Variants in STIL observed in about 807,000 individuals in gnomAD.
STIL encodes STIL centriolar assembly protein.
In STIL, 55 loss-of-function variants were observed where a neutral mutation model predicts 110.1. The ratio of observed to expected loss-of-function variants is 0.50; its 90% CI spans 0.40 to 0.63. The LOEUF is 0.63. Among genes scored for constraint, STIL ranks in the 20% least tolerant of loss-of-function variants. The pLI is 0.00. For missense variants in STIL, 1,358 were observed against 1,530.0 expected (o/e 0.89, Z 1.87); for synonymous variants, 481 against 530.0 (o/e 0.91, Z 1.27).
chr1:47,310,391 G>T, intron 1 of STIL, 29 bp from the exon 2 acceptor site: 1 of 1,389,014 alleles, frequency 7.2e-7, no homozygotes, highest in Non-Finnish European at 1.0e-6. Flanking sequence ...TATTACTAAT[G>T]AATGATAAAA....
chr1:47,272,963 A>G (rs1403668053), intron 12 of STIL, among the ~76,000 whole-genome samples: 1 of 152,222 alleles, frequency 6.6e-6, no homozygotes, highest in African/African-American at 2.4e-5. Flanking sequence ...TGGATATATT[A>G]ATAACAATGG....
intron 9 of STIL, among the ~76,000 whole-genome samples, chr1:47,289,182 G>C (rs1014024875): frequency 2.0e-5 from 3 of 150,408 alleles, no homozygotes; most frequent in African/African-American, 7.3e-5. Context: ...AAAGATTTTA[G>C]AAAAACATGG....
chr1:47,258,807 C>T (rs1003400527), intron 16 of STIL, among the ~76,000 whole-genome samples: 3 of 151,976 alleles, frequency 2.0e-5, no homozygotes, highest in Admixed American at 2.0e-4. Context: ...GAGGTTGAGG[C>T]TGCAGTGAGC....
At position 47,262,974 on chromosome 1, in the gene STIL, T is replaced by C. The variant is rs747761916; in HGVS notation, c.2758A>G (p.Lys920Glu). 1 of 1,614,192 alleles carries C rather than the reference T, an allele frequency of 6.2e-7. No individual in the cohort carries two copies. The highest frequency in any genetic ancestry group is 1.1e-5 in the South Asian group (1 of 91,084). ...SNNSETSEEP[K>E]IEHVMQPLLH... Reference sequence around the variant, plus strand: ...AAGGGTTGCATTACATGCTCAATTTTTGGTTCCTCTGATGTTTCAGAATTG... The same window carrying C: ...AAGGGTTGCATTACATGCTCAATTTCTGGTTCCTCTGATGTTTCAGAATTG... The change falls in exon 15 of 17, where the codon AAA becomes GAA. Residue 920 changes from lysine (K) to glutamate (E), a missense_variant. By Grantham distance (56) the Lys-to-Glu change is moderately conservative. Coordinates refer to ENST00000371877, the MANE Select transcript of STIL (RefSeq NM_001048166.1).
intron 2 of STIL, chr1:47,305,222 T>C (rs1201795262): frequency 7.1e-6 from 3 of 424,134 alleles, no homozygotes; most frequent in Non-Finnish European, 1.3e-5. Context: ...GCCTCCTGGG[T>C]TCAAGCAATT....
At chr1:47,265,257 A>AAAAAAAAAAAAAAAAAAAAG (rs1557714156) in intron 14 of STIL, among the ~76,000 whole-genome samples, 1 of 150,752 alleles carries the variant, frequency 6.6e-6, no homozygotes, top group South Asian at 2.1e-4. Context: ...AAAAAAAAAA[A>AAAAAAAAAAAAAAAAAAAAG]AAACACAAGA....
chr1:47,251,832 A>G lies in STIL; in HGVS notation c.3171T>C (p.Asn1057=). 1.2e-6 allele frequency: 2 copies of G among 1,609,222 alleles called. No homozygotes were observed. The highest frequency in any genetic ancestry group is 1.7e-6 in the Non-Finnish European group (2 of 1,177,734). ...TTGCCTCCATGCTCAAATCCACACC[A>G]TTGGGGCTTAAGCCGCTCATGCCAA... ...ANVGMSGLSP[N]GVDLSMEANA... The change falls in exon 17 of 17, where the codon AAT becomes AAC. Residue 1057 remains asparagine (N), a synonymous_variant. Transcript: ENST00000371877.
intron 12 of STIL, among the ~76,000 whole-genome samples, chr1:47,272,935 G>A (rs1644883128): frequency 6.6e-6 from 1 of 152,124 alleles, no homozygotes; most frequent in South Asian, 2.1e-4. Context: ...AATTGCCCAT[G>A]TTTGCCCATG....
chr1:47,309,218 AC>A (rs1260343084), intron 2 of STIL, among the ~76,000 whole-genome samples: 1 of 152,196 alleles, frequency 6.6e-6, no homozygotes, highest in Non-Finnish European at 1.5e-5. Flanking sequence ...TACACCATGT[AC>A]CCACAAAAAT....
intron 16 of STIL, among the ~76,000 whole-genome samples, chr1:47,259,592 G>A (rs189063515): frequency 2.1e-3 from 323 of 152,202 alleles, no homozygotes; most frequent in African/African-American, 7.5e-3. Context: ...CCCGGCCTAA[G>A]AGAAGTAACT....
At position 47,263,083 on chromosome 1, in the gene STIL, A is replaced by G. The variant is rs1490127407; in HGVS notation, c.2649T>C (p.Asp883=). The G allele has an allele frequency of 1.9e-6, 3 of 1,614,116 alleles. No homozygotes were observed. Among genetic ancestry groups the G allele is most frequent in the African/African-American group, 1.3e-5 (1 of 74,948 alleles). ...SSSLVVRKEP[D]VPVFFPSGQL... ...GGCCACTTGGAAAGAACACAGGTAC[A>G]TCAGGTTCTTTTCTCACAACTAGAG... is the stretch of plus-strand genomic sequence containing the variant. The change falls in exon 15 of 17, where the codon GAT becomes GAC. Residue 883 remains aspartate, a synonymous_variant. Coordinates refer to ENST00000371877, the MANE Select transcript of STIL (RefSeq NM_001048166.1).
intron 14 of STIL, among the ~76,000 whole-genome samples, chr1:47,268,261 A>T (rs1644712530): frequency 6.6e-6 from 1 of 152,138 alleles, no homozygotes; most frequent in African/African-American, 2.4e-5. Flanking sequence ...AGCCTGGCCA[A>T]CATGGGAAGC....
intron 6 of STIL, among the ~76,000 whole-genome samples, chr1:47,299,033 C>CTTT (rs35412832): frequency 4.9e-5 from 7 of 142,204 alleles, no homozygotes; most frequent in Non-Finnish European, 6.1e-5. Context: ...TTTACCACCA[C>CTTT]TTTTTTTTTT....
intron 6 of STIL, among the ~76,000 whole-genome samples, 182 bp from the exon 7 acceptor site, chr1:47,296,030 A>T (rs1645633148): frequency 6.6e-6 from 1 of 152,232 alleles, no homozygotes; most frequent in African/African-American, 2.4e-5. Context: ...TAAGAGGAAG[A>T]GATTAAAGAG....
intron 10 of STIL, 140 bp downstream of exon 10, chr1:47,287,411 G>T: frequency 1.7e-6 from 1 of 589,890 alleles, no homozygotes; most frequent in Non-Finnish European, 2.9e-6. Flanking sequence ...ATGAAGGAAT[G>T]CATTTAAAAC....
rs1205180306 is a variant in STIL at position 47,280,988 on chromosome 1, A to G, written c.1470T>C (p.Asn490=). Residue 490 remains asparagine, a synonymous_variant, in exon 12 of 17, where the codon AAT becomes AAC. Transcript: ENST00000371877. ...GAGCTGGTTTATCCTGGTTTAACTG[A>G]TTTGGTATTCCTCTCAAGGAAGGCT... ...AGEPSLRGIP[N]QLNQDKPALL... 6.2e-7 allele frequency: 1 copy of G among 1,613,946 alleles called. No individual in the cohort carries two copies. The highest frequency in any genetic ancestry group is 8.5e-7 in the Non-Finnish European group (1 of 1,179,976).
chr1:47,288,948 G>GCTATT, intron 9 of STIL, among the ~76,000 whole-genome samples: 1 of 146,646 alleles, frequency 6.8e-6, no homozygotes, highest in Non-Finnish European at 1.5e-5. Context: ...TGTAATCCCA[G>GCTATT]CTATTCTGGA....
chr1:47,285,183 A>G (rs1645262309), intron 10 of STIL, among the ~76,000 whole-genome samples: 1 of 152,112 alleles, frequency 6.6e-6, no homozygotes, highest in Non-Finnish European at 1.5e-5. Context: ...CACCACAACC[A>G]GCTAAATTCT....
chr1:47,272,378 C>T (rs990911301), intron 12 of STIL, 137 bp from the exon 13 acceptor site: 32 of 835,732 alleles, frequency 3.8e-5, no homozygotes, highest in Admixed American at 1.5e-4. Context: ...TTCAACTAGA[C>T]CATACCATGA....
Sources: allele counts gnomAD v4.1 joint callset (sites outside exome capture counted in the v4.1 genomes callset), GRCh38; gene constraint gnomAD v4.1.1; transcripts MANE v1.5; gene names NCBI Gene and HGNC (gene_info 2026-07-23, HGNC 2026-07-21).